EIF6: variants seen among roughly 807,000 people sequenced by gnomAD.
EIF6 encodes the protein eukaryotic translation initiation factor 6.
A neutral mutation model predicts 25.5 loss-of-function variants in EIF6; 10 were observed. That is an observed-to-expected ratio of 0.39 (90% CI 0.24 to 0.66). The LOEUF (loss-of-function observed/expected upper bound fraction) is 0.66, where lower values mean the gene tolerates loss of function less well. Ranked by LOEUF, EIF6 falls within the 30% of genes least tolerant of loss-of-function variation. The probability of loss-of-function intolerance (pLI) is 0.45; values close to 1 mark genes in which losing one functional copy is unlikely to be tolerated. For missense variants in EIF6, 246 were observed against 315.4 expected (o/e 0.78, Z 1.67); for synonymous variants, 122 against 122.6 (o/e 1.00, Z 0.03).
At chr20:35,279,530 C>T in intron 6 of EIF6, 36 bp downstream of exon 6, 2 of 1,608,076 alleles carry the variant, frequency 1.2e-6, no homozygotes, top group Non-Finnish European at 1.7e-6. Context: ...AGTTAACCCC[C>T]AACCCTGAGC....
At position 35,284,364 on chromosome 20, in the gene EIF6, C is replaced by A. The variant is rs199648134; in HGVS notation, c.107+17G>T. ...CACGCCTCCCCGCCACCGTAAGCCC[C>A]GGGGCTCCCGCCGCACCTGTAGAAG... On this transcript the variant is annotated intron_variant, in intron 2 of 6. Transcript: ENST00000374450. 1.1e-5 allele frequency: 18 copies of A among 1,613,508 alleles called. No homozygotes were observed. Among genetic ancestry groups the A allele is most frequent in the East Asian group, 2.2e-5 (1 of 44,878 alleles).
intron 3 of EIF6, among the ~76,000 whole-genome samples, chr20:35,282,469 G>A (rs1339540217): frequency 6.6e-6 from 1 of 152,136 alleles, no homozygotes; most frequent in Non-Finnish European, 1.5e-5. Context: ...AAATACACAA[G>A]GACTAAGCTA....
At position 35,281,107 on chromosome 20, in the gene EIF6, G is replaced by A. The variant is rs538615496; in HGVS notation, c.194-278C>T. Among the ~76,000 whole-genome samples the A allele has an allele frequency of 3.9e-5, 6 of 152,296 alleles. No individual in the cohort carries two copies. The East Asian group carries it at 5.8e-4, about 15-fold the overall frequency. On this transcript the variant is annotated intron_variant, in intron 3 of 6. Coordinates refer to ENST00000374450, the MANE Select transcript of EIF6 (RefSeq NM_002212.4). ...CTACTTAAAAACTGAGCTGCCGGGCGTGTTGGCTCACGCCTGTAATCCCAG... is the reference window on the plus strand; with the variant it reads ...CTACTTAAAAACTGAGCTGCCGGGCATGTTGGCTCACGCCTGTAATCCCAG...
chr20:35,284,657 C>T, intron 1 of EIF6, 69 bp downstream of exon 1: 1 of 757,430 alleles, frequency 1.3e-6, no homozygotes, highest in Non-Finnish European at 2.1e-6. Flanking sequence ...GCCCTGAATC[C>T]TCTGGCCCCC....
Position 35,284,243 on chromosome 20 carries a change from G to C in EIF6, c.126C>G (p.Leu42=). The part of the protein sequence containing the change: ...ENFYSVFEGE[L]SDTIPVVHAS... The stretch of plus-strand genomic sequence containing the variant: ...CGTGCACCACGGGGATGGTATCGGA[G>C]AGCTCGCCCTCGAACACACTGTAGG... The change falls in exon 3 of 7, where the codon CTC becomes CTG. Residue 42 remains leucine (L), a synonymous_variant. Transcript: ENST00000374450. 6.2e-7 allele frequency: 1 copy of C among 1,612,588 alleles called. No homozygotes were observed. The highest frequency in any genetic ancestry group is 8.5e-7 in the Non-Finnish European group (1 of 1,179,752).
At chr20:35,281,803 G>A (rs1273454726) in intron 3 of EIF6, among the ~76,000 whole-genome samples, 1 of 152,066 alleles carries the variant, frequency 6.6e-6, no homozygotes. Flanking sequence ...GATATATGGA[G>A]CAACTGAACT....
In EIF6 at chr20:35,279,005, CAG is replaced by C. The variant is rs2060744837; in HGVS notation, c.*190_*191del. The C allele has an allele frequency of 1.4e-6, 1 of 705,266 alleles. No individual in the cohort carries two copies. Among genetic ancestry groups the C allele is most frequent in the South Asian group, 1.7e-5 (1 of 58,370 alleles). The allele number at this position is 705,266 out of a possible 1,614,324, so 43.7% of individuals were successfully genotyped here. On this transcript the variant is annotated 3_prime_UTR_variant, in exon 7 of 7. Coordinates refer to ENST00000374450, the MANE Select transcript of EIF6 (RefSeq NM_002212.4). ...CCACAGGGCCTGCCAGCCAGCACAA[CAG>C]AGCAGGTTTTTGCAGTAATGATAGA...
At chr20:35,281,592 C>T (rs554607191) in intron 3 of EIF6, among the ~76,000 whole-genome samples, 16 of 152,008 alleles carry the variant, frequency 1.1e-4, no homozygotes, top group Non-Finnish European at 2.2e-4. Flanking sequence ...ATTACAAGTG[C>T]GTGCCACCAC....
chr20:35,282,057 C>T (rs528311445), intron 3 of EIF6, among the ~76,000 whole-genome samples: 2 of 150,622 alleles, frequency 1.3e-5, no homozygotes, highest in East Asian at 2.0e-4. Flanking sequence ...GGCACAATCT[C>T]GGCTCACTGC....
intron 4 of EIF6, 111 bp downstream of exon 4, chr20:35,280,543 T>C (rs1474645721): frequency 8.4e-6 from 11 of 1,306,420 alleles, no homozygotes; most frequent in African/African-American, 1.5e-5. Flanking sequence ...CAAGAGCCCA[T>C]ATAGAAAAAC....
chr20:35,282,042 G>A (rs911622615), intron 3 of EIF6, among the ~76,000 whole-genome samples: 11 of 149,380 alleles, frequency 7.4e-5, no homozygotes, highest in African/African-American at 2.7e-4. Context: ...AGGCTGGAGT[G>A]CAGTGGCACA....
Position 35,284,435 on chromosome 20 carries a change from T to C in EIF6, c.53A>G (p.Lys18Arg), listed in dbSNP as rs143234154. 177 of 1,613,572 alleles carry C rather than the reference T, an allele frequency of 1.1e-4. No homozygotes were observed. Among genetic ancestry groups the C allele is most frequent in the Admixed American group, 1.8e-4 (11 of 60,018 alleles). ...TACCAGACAGTAGGTGTTGGTGAGC[T>C]TGGCAAAGCAGCCGATCTCACAGTT... Reference protein sequence around the residue: ...ENNCEIGCFAKLTNTYCLVAI... With the variant: ...ENNCEIGCFARLTNTYCLVAI... The change falls in exon 2 of 7, where the codon AAG becomes AGG. Residue 18 changes from lysine to arginine, a missense_variant. Transcript: ENST00000374450.
chr20:35,280,595 G>A, intron 4 of EIF6, 59 bp downstream of exon 4: 1 of 1,582,706 alleles, frequency 6.3e-7, no homozygotes, highest in Non-Finnish European at 8.6e-7. Context: ...GGAAAGAACA[G>A]TGGCTAACCA....
chr20:35,284,376 C>G lies in EIF6; in HGVS notation c.107+5G>C. 1 of 1,613,916 alleles carries G rather than the reference C, an allele frequency of 6.2e-7. No individual in the cohort carries two copies. The highest frequency in any genetic ancestry group is 8.5e-7 in the Non-Finnish European group (1 of 1,179,960). ...CCACCGTAAGCCCCGGGGCTCCCGC[C>G]GCACCTGTAGAAGTTCTCTGAGCCT... is the stretch of plus-strand genomic sequence containing the variant. On this transcript the variant is annotated splice_donor_5th_base_variant and intron_variant, in intron 2 of 6. Transcript: ENST00000374450.
At position 35,284,755 on chromosome 20, in the gene EIF6, G is replaced by A. The variant is rs574115441; in HGVS notation, c.-35C>T. The A allele has an allele frequency of 3.8e-6, 2 of 526,126 alleles. No homozygotes were observed. The highest frequency in any genetic ancestry group is 3.1e-5 in the East Asian group (1 of 32,148). The allele number at this position is 526,126 out of a possible 1,614,324, so 32.6% of individuals were successfully genotyped here. ...TAACCAGTAACAAGCTCCGCACGCG[G>A]CGACTGTACCTTGGACTCCCTAAAA... On this transcript the variant is annotated 5_prime_UTR_variant, in exon 1 of 7. Coordinates refer to ENST00000374450, the MANE Select transcript of EIF6 (RefSeq NM_002212.4).
At chr20:35,280,882 G>C in intron 3 of EIF6, 53 bp from the exon 4 acceptor site, 1 of 1,588,982 alleles carries the variant, frequency 6.3e-7, no homozygotes, top group Non-Finnish European at 8.6e-7. Flanking sequence ...CTGAGCCCTA[G>C]GGGCTGAGGA....
At chr20:35,281,685 A>C (rs2060777169) in intron 3 of EIF6, among the ~76,000 whole-genome samples, 1 of 151,984 alleles carries the variant, frequency 6.6e-6, no homozygotes, top group Admixed American at 6.6e-5. Flanking sequence ...ACCTCAGGTG[A>C]TCCGCCCACC....
chr20:35,284,361 C>T lies in EIF6; in HGVS notation c.107+20G>A. ...GCGCACGCCTCCCCGCCACCGTAAG[C>T]CCCGGGGCTCCCGCCGCACCTGTAG... On this transcript the variant is annotated intron_variant, in intron 2 of 6. Coordinates refer to ENST00000374450, the MANE Select transcript of EIF6 (RefSeq NM_002212.4). 6.2e-7 allele frequency: 1 copy of T among 1,613,570 alleles called. No individual in the cohort carries two copies. Among genetic ancestry groups the T allele is most frequent in the Non-Finnish European group, 8.5e-7 (1 of 1,179,918 alleles).
In EIF6 at chr20:35,279,701, A is replaced by G; in HGVS notation, c.593T>C (p.Val198Ala). Reference sequence around the variant, plus strand: ...ACAGAAGGCACACCAGTCATTCACCACCATCCCAGCAGCAATCACCTCACT... The same window carrying G: ...ACAGAAGGCACACCAGTCATTCACCGCCATCCCAGCAGCAATCACCTCACT... ...RGSEVIAAGMVVNDWCAFCGL... is the reference protein window; with the variant it reads ...RGSEVIAAGMAVNDWCAFCGL... Residue 198 changes from valine (V) to alanine (A), a missense_variant, in exon 6 of 7, where the codon GTG becomes GCG. By Grantham distance (64) the Val-to-Ala change is moderately conservative (BLOSUM62 0). Coordinates refer to ENST00000374450, the MANE Select transcript of EIF6 (RefSeq NM_002212.4). 2.5e-6 allele frequency: 4 copies of G among 1,613,992 alleles called. No homozygotes were observed. Among genetic ancestry groups the G allele is most frequent in the Non-Finnish European group, 3.4e-6 (4 of 1,179,982 alleles).
Sources: gnomAD v4.1 joint callset for allele counts (sites outside exome capture counted in the v4.1 genomes callset) on GRCh38, gnomAD v4.1.1 for gene constraint, MANE v1.5 for transcripts, NCBI Gene and HGNC (gene_info 2026-07-23, HGNC 2026-07-21) for gene names.